Variants in EHBP1 observed in about 807,000 individuals in gnomAD.
EHBP1 encodes EH domain-binding protein 1.
A neutral mutation model predicts 144.0 loss-of-function variants in EHBP1; 55 were observed. The ratio of observed to expected loss-of-function variants is 0.38; its 90% CI spans 0.31 to 0.48. The LOEUF (loss-of-function observed/expected upper bound fraction) is 0.48, where lower values mean the gene tolerates loss of function less well. EHBP1 is among the 20% of genes least tolerant of loss of function. The pLI is 0.98. For synonymous variants in EHBP1, 469 were observed against 472.7 expected (o/e 0.99, Z 0.10); for missense variants, 1,200 against 1,364.2 (o/e 0.88, Z 1.90).
chr2:62,890,323 T>C (rs1009566520), intron 10 of EHBP1, among the ~76,000 whole-genome samples: 2 of 152,206 alleles, frequency 1.3e-5, no homozygotes, highest in African/African-American at 2.4e-5. Context: ...TATAAATTGC[T>C]TTGGGCAATA....
intron 7 of EHBP1, among the ~76,000 whole-genome samples, chr2:62,837,509 T>A (rs376550353): frequency 2.6e-5 from 4 of 152,084 alleles, no homozygotes; most frequent in African/African-American, 9.7e-5. Context: ...TAAATATACA[T>A]GGACTAAATG....
intron 19 of EHBP1, among the ~76,000 whole-genome samples, chr2:63,028,554 C>T (rs1189208573): frequency 6.6e-6 from 1 of 152,032 alleles, no homozygotes; most frequent in Non-Finnish European, 1.5e-5. Context: ...AGGCATGCTC[C>T]ACCACCCCCA....
chr2:62,798,365 C>CAA (rs139839270), intron 5 of EHBP1, among the ~76,000 whole-genome samples: 2 of 135,034 alleles, frequency 1.5e-5, no homozygotes, highest in Admixed American at 7.5e-5. Flanking sequence ...GAGACTCCGT[C>CAA]AAAAAAAAAA....
chr2:62,691,701 C>CT (rs2151747075), intron 1 of EHBP1, among the ~76,000 whole-genome samples: 1 of 152,268 alleles, frequency 6.6e-6, no homozygotes, highest in African/African-American at 2.4e-5. Flanking sequence ...ACCTAAGTGA[C>CT]TTGTCCCAGG....
chr2:62,872,893 C>A (rs2050598480), intron 9 of EHBP1, among the ~76,000 whole-genome samples: 2 of 152,138 alleles, frequency 1.3e-5, no homozygotes, highest in African/African-American at 2.4e-5. Flanking sequence ...AGTTAGGGAT[C>A]TCTGATCTAG....
chr2:62,820,066 C>T (rs2045787776), intron 5 of EHBP1, among the ~76,000 whole-genome samples: 1 of 151,820 alleles, frequency 6.6e-6, no homozygotes, highest in Non-Finnish European at 1.5e-5. Context: ...CAAAAATTAG[C>T]CAGGCATGGT....
intron 14 of EHBP1, among the ~76,000 whole-genome samples, chr2:62,956,683 T>G (rs1423375451): frequency 8.3e-6 from 1 of 120,080 alleles, no homozygotes; most frequent in Non-Finnish European, 1.7e-5. Flanking sequence ...CCATCTCTAC[T>G]TACAGAAAAA....
intron 15 of EHBP1, among the ~76,000 whole-genome samples, chr2:62,981,286 G>T (rs576066076): frequency 6.6e-5 from 10 of 152,072 alleles, no homozygotes; most frequent in South Asian, 2.1e-4. Context: ...AAATCTTCCA[G>T]ATATTCTAAG....
chr2:62,702,044 T>C (rs1044641486), upstream of EHBP1, among the ~76,000 whole-genome samples: 1 of 152,202 alleles, frequency 6.6e-6, no homozygotes, highest in Non-Finnish European at 1.5e-5. Flanking sequence ...GGAAAGATAA[T>C]AGTAATTCAA....
chr2:62,718,743 G>A (rs1025446468), intron 2 of EHBP1, among the ~76,000 whole-genome samples: 7 of 152,328 alleles, frequency 4.6e-5, no homozygotes, highest in African/African-American at 1.4e-4. Flanking sequence ...TGGTACTCCA[G>A]AAAGTGTTTA....
chr2:62,934,590 A>C (rs1400532326), intron 10 of EHBP1, among the ~76,000 whole-genome samples: 2 of 152,170 alleles, frequency 1.3e-5, no homozygotes, highest in African/African-American at 2.4e-5. Context: ...TTAGTTCCTC[A>C]TGTCAGTTCT....
intron 2 of EHBP1, among the ~76,000 whole-genome samples, chr2:62,727,330 T>C (rs754756860): frequency 1.3e-5 from 2 of 152,112 alleles, no homozygotes; most frequent in East Asian, 1.9e-4. Context: ...GTATAACTCA[T>C]GTACTAAACA....
chr2:62,706,197 G>C (rs1226299644), intron 1 of EHBP1, 145 bp downstream of exon 1: 1 of 153,196 alleles, frequency 6.5e-6, no homozygotes, highest in African/African-American at 2.4e-5. Flanking sequence ...GGCTCCGTGC[G>C]TGAGGAGACT....
chr2:62,888,226 G>C (rs997826128), intron 10 of EHBP1, among the ~76,000 whole-genome samples: 1 of 152,240 alleles, frequency 6.6e-6, no homozygotes, highest in Non-Finnish European at 1.5e-5. Context: ...ATGGTGCACA[G>C]ATGGGGCAAA....
chr2:62,768,268 G>C (rs1358464663), intron 4 of EHBP1, among the ~76,000 whole-genome samples: 2 of 152,102 alleles, frequency 1.3e-5, no homozygotes, highest in African/African-American at 4.8e-5. Context: ...TTGATAAGCT[G>C]CTAGCTAGAC....
At chr2:62,844,589 G>A (rs998741418) in intron 7 of EHBP1, among the ~76,000 whole-genome samples, 2 of 152,068 alleles carry the variant, frequency 1.3e-5, no homozygotes, top group African/African-American at 4.8e-5. Flanking sequence ...GCCAGTATTT[G>A]GCAGTATGAT....
At chr2:62,747,718 G>C (rs1323586375) in intron 3 of EHBP1, among the ~76,000 whole-genome samples, 1 of 151,798 alleles carries the variant, frequency 6.6e-6, no homozygotes. Context: ...GAATAGGTTG[G>C]TGCAAAAGTA....
chr2:62,834,828 C>G (rs1020886032), intron 7 of EHBP1, among the ~76,000 whole-genome samples: 10 of 152,128 alleles, frequency 6.6e-5, no homozygotes, highest in African/African-American at 2.4e-4. Context: ...ATGGAGGGCG[C>G]ACTTTTCATA....
At chr2:62,829,384 A>G (rs938434967) in intron 6 of EHBP1, among the ~76,000 whole-genome samples, 6 of 151,682 alleles carry the variant, frequency 4.0e-5, no homozygotes, top group African/African-American at 1.2e-4. Flanking sequence ...GTAAGTCTCC[A>G]AAGTCCATTA....
Sources: gnomAD v4.1 joint callset for allele counts (sites outside exome capture counted in the v4.1 genomes callset) on GRCh38, gnomAD v4.1.1 for gene constraint, MANE v1.5 for transcripts, NCBI Gene and HGNC (gene_info 2026-07-23, HGNC 2026-07-21) for gene names.